The following NRG3 variants were observed in gnomAD, a reference collection of about 807,000 sequenced individuals.
NRG3 encodes the protein pro-neuregulin-3, membrane-bound isoform.
Under a neutral mutation model 66.9 loss-of-function variants are expected in NRG3, and 31 were observed. The ratio of observed to expected loss-of-function variants is 0.46; its 90% CI spans 0.35 to 0.63. NRG3 has a LOEUF of 0.63. Among genes scored for constraint, NRG3 ranks in the 20% least tolerant of loss-of-function variants. The pLI, the probability that NRG3 is intolerant of heterozygous loss-of-function variation, is 0.00. For missense variants in NRG3, 910 were observed against 878.9 expected (o/e 1.04, Z -0.45); for synonymous variants, 393 against 359.4 (o/e 1.09, Z -1.06).
At chr10:82,095,602 A>C (rs2066288217) in intron 1 of NRG3, among the ~76,000 whole-genome samples, 1 of 152,214 alleles carries the variant, frequency 6.6e-6, no homozygotes, top group South Asian at 2.1e-4. Context: ...ATCTGAAGTG[A>C]AGTGAAATCA....
At chr10:82,541,711 T>A (rs979541971) in intron 2 of NRG3, among the ~76,000 whole-genome samples, 1 of 152,204 alleles carries the variant, frequency 6.6e-6, no homozygotes, top group East Asian at 1.9e-4. Context: ...TAGTTTTTAC[T>A]TCTTCTTTCT....
intron 2 of NRG3, among the ~76,000 whole-genome samples, chr10:82,487,878 A>C (rs1842811102): frequency 1.3e-5 from 2 of 152,136 alleles, no homozygotes; most frequent in Non-Finnish European, 2.9e-5. Context: ...TAGTCAATAT[A>C]TTGATTACAG....
At chr10:82,871,682 T>C in intron 4 of NRG3, among the ~76,000 whole-genome samples, 1 of 152,156 alleles carries the variant, frequency 6.6e-6, no homozygotes, top group Non-Finnish European at 1.5e-5. Context: ...GATGCTAATG[T>C]AAATGCTATT....
intron 2 of NRG3, among the ~76,000 whole-genome samples, chr10:82,735,975 T>G (rs1250738461): frequency 6.6e-6 from 1 of 152,164 alleles, no homozygotes; most frequent in Non-Finnish European, 1.5e-5. Context: ...TTTGTGTTTT[T>G]TAAAACATAT....
intron 3 of NRG3, among the ~76,000 whole-genome samples, chr10:82,782,899 A>C (rs1442865332): frequency 2.0e-5 from 3 of 152,160 alleles, no homozygotes; most frequent in African/African-American, 2.4e-5. Context: ...GGCAGAGACA[A>C]AACCAAAAAA....
chr10:82,206,810 G>A (rs776330437), intron 1 of NRG3, among the ~76,000 whole-genome samples: 8 of 152,114 alleles, frequency 5.3e-5, no homozygotes, highest in Non-Finnish European at 1.0e-4. Flanking sequence ...CCCCAAAATG[G>A]AAGAAATAAC....
intron 2 of NRG3, among the ~76,000 whole-genome samples, chr10:82,412,664 T>C (rs998462815): frequency 6.6e-6 from 1 of 152,178 alleles, no homozygotes; most frequent in Non-Finnish European, 1.5e-5. Flanking sequence ...CTGTAGCATG[T>C]GATGTTGCTT....
At chr10:82,675,230 T>C (rs1226173371) in intron 2 of NRG3, among the ~76,000 whole-genome samples, 1 of 152,160 alleles carries the variant, frequency 6.6e-6, no homozygotes, top group African/African-American at 2.4e-5. Flanking sequence ...GTGCTGGGAT[T>C]ACAGGTGTGA....
chr10:82,714,485 C>CA (rs1565231440), intron 2 of NRG3, among the ~76,000 whole-genome samples: 1 of 152,122 alleles, frequency 6.6e-6, no homozygotes, highest in African/African-American at 2.4e-5. Flanking sequence ...TATTATTCCT[C>CA]AAAAAACAGA....
Position 82,830,533 on chromosome 10 carries a change from T to A in NRG3, c.1028-34878T>A, listed in dbSNP as rs184302723. Among the ~76,000 whole-genome samples the A allele has an allele frequency of 2.1e-3, 326 of 152,316 alleles. 1 individual carries two copies. Among genetic ancestry groups the A allele is most frequent in the Admixed American group, 5.9e-3 (90 of 15,292 alleles). ...TAAAAATTCTGAGTTAAAACCTATC[T>A]TGATCACAACCTAAGACTATACATG... On this transcript the variant is annotated intron_variant, in intron 3 of 8. Transcript: ENST00000372141.
At chr10:82,629,213 T>G (rs1157481434) in intron 2 of NRG3, among the ~76,000 whole-genome samples, 1 of 152,134 alleles carries the variant, frequency 6.6e-6, no homozygotes, top group Admixed American at 6.6e-5. Context: ...CCTGTAAAAT[T>G]GCTTCCAAAA....
At chr10:82,070,952 A>G (rs1228423630) in intron 1 of NRG3, among the ~76,000 whole-genome samples, 2 of 152,184 alleles carry the variant, frequency 1.3e-5, no homozygotes, top group Non-Finnish European at 2.9e-5. Context: ...GTTCAAAAGA[A>G]TACTTGGACA....
At chr10:81,971,233 C>G (rs992937932) in intron 1 of NRG3, among the ~76,000 whole-genome samples, 1 of 152,222 alleles carries the variant, frequency 6.6e-6, no homozygotes, top group Non-Finnish European at 1.5e-5. Context: ...GTAAATATTT[C>G]TCTTTTTATA....
chr10:82,676,655 T>C (rs911673152), intron 2 of NRG3, among the ~76,000 whole-genome samples: 4 of 152,106 alleles, frequency 2.6e-5, no homozygotes, highest in Admixed American at 6.5e-5. Flanking sequence ...GGCTAATTTT[T>C]GTATTTTTAG....
At chr10:82,061,735 AT>A (rs1245770485) in intron 1 of NRG3, among the ~76,000 whole-genome samples, 4 of 151,442 alleles carry the variant, frequency 2.6e-5, no homozygotes, top group African/African-American at 9.7e-5. Flanking sequence ...CTCTTCTCCC[AT>A]TTCTGGATTA....
chr10:82,410,108 A>G (rs2087942510), intron 2 of NRG3, among the ~76,000 whole-genome samples: 1 of 152,022 alleles, frequency 6.6e-6, no homozygotes, highest in African/African-American at 2.4e-5. Context: ...GAGAAGAAAC[A>G]TAGAGTCCAA....
intron 1 of NRG3, among the ~76,000 whole-genome samples, chr10:82,266,563 C>G (rs982977351): frequency 2.0e-5 from 3 of 152,166 alleles, no homozygotes; most frequent in African/African-American, 4.8e-5. Flanking sequence ...TTTGGCAAGA[C>G]TGTTCAACTA....
intron 4 of NRG3, among the ~76,000 whole-genome samples, chr10:82,926,936 TC>T (rs1847063434): frequency 6.6e-6 from 1 of 152,156 alleles, no homozygotes; most frequent in Non-Finnish European, 1.5e-5. Flanking sequence ...TTTGGGTCAT[TC>T]CCCCAATTCT....
At chr10:82,517,671 A>T (rs1468145299) in intron 2 of NRG3, among the ~76,000 whole-genome samples, 1 of 132,934 alleles carries the variant, frequency 7.5e-6, no homozygotes, top group Non-Finnish European at 1.7e-5. Flanking sequence ...GTGTGTGTGC[A>T]TGTGTGTGTG....
Sources: gnomAD v4.1 joint callset for allele counts (sites outside exome capture counted in the v4.1 genomes callset) on GRCh38, gnomAD v4.1.1 for gene constraint, MANE v1.5 for transcripts, NCBI Gene and HGNC (gene_info 2026-07-23, HGNC 2026-07-21) for gene names.